The following LIMK1 variants were observed in gnomAD, a reference collection of about 807,000 sequenced individuals.
The protein encoded by LIMK1 is LIM domain kinase 1, also known as LIM motif-containing protein kinase.
In LIMK1, 21 loss-of-function variants were observed where a neutral mutation model predicts 77.6. The observed-to-expected ratio is 0.27, with a 90% CI of 0.19 to 0.39. The LOEUF (loss-of-function observed/expected upper bound fraction) is 0.39, where lower values mean the gene tolerates loss of function less well. Ranked by LOEUF, LIMK1 falls within the 10% of genes least tolerant of loss-of-function variation. LIMK1 has a pLI of 1.00. For missense variants in LIMK1, 696 were observed against 901.6 expected, an observed-to-expected ratio of 0.77 and a Z score of 2.92; for synonymous variants, 358 against 370.0, an observed-to-expected ratio of 0.97 and a Z score of 0.37.
intron 2 of LIMK1, among the ~76,000 whole-genome samples, chr7:74,088,098 C>T (rs1184615018): frequency 5.9e-5 from 9 of 152,244 alleles, no homozygotes; most frequent in South Asian, 2.1e-4. Flanking sequence ...TTAGGAATAA[C>T]GTCTAACGTT....
intron 5 of LIMK1, among the ~76,000 whole-genome samples, chr7:74,101,411 G>A (rs1554696569): frequency 6.6e-6 from 1 of 152,190 alleles, no homozygotes; most frequent in Non-Finnish European, 1.5e-5. Flanking sequence ...GGAGGGCTGA[G>A]GTGAGAGGAT....
intron 3 of LIMK1, 94 bp from the exon 4 acceptor site, chr7:74,096,986 T>C (rs1554695733): frequency 2.6e-6 from 3 of 1,140,350 alleles, no homozygotes; most frequent in Non-Finnish European, 3.8e-6. Context: ...GCAGTTGTTT[T>C]TTTGGTGACA....
At chr7:74,118,595 C>CA (rs1435494507) in intron 13 of LIMK1, among the ~76,000 whole-genome samples, 2 of 151,364 alleles carry the variant, frequency 1.3e-5, no homozygotes, top group Non-Finnish European at 2.9e-5. Context: ...ACTAAAAATA[C>CA]AAAAATTAGC....
intron 2 of LIMK1, 27 bp from the exon 3 acceptor site, chr7:74,096,595 C>T (rs373661443): frequency 6.8e-6 from 11 of 1,613,536 alleles, no homozygotes; most frequent in African/African-American, 4.0e-5. Context: ...CGGGAGTGGA[C>T]GTCTCAGCCC....
chr7:74,095,529 C>A (rs536608960), intron 2 of LIMK1, among the ~76,000 whole-genome samples: 139 of 152,266 alleles, frequency 9.1e-4, no homozygotes, highest in African/African-American at 3.2e-3. Context: ...TCCCCAGCCT[C>A]CCTAGTAGCT....
Position 74,085,743 on chromosome 7 carries a change from T to G in LIMK1, c.56-5T>G. On this transcript the variant is annotated splice_polypyrimidine_tract_variant and splice_region_variant and intron_variant, in intron 1 of 15. Transcript: ENST00000336180. The stretch of plus-strand genomic sequence containing the variant: ...ATGCTTCCCAACTCCCTTCCCACCC[T>G]GCAGGAAGCGAGTTGCCCGTGTGTG... 4 of 1,552,892 alleles carry G rather than the reference T, an allele frequency of 2.6e-6. No homozygotes were observed. The highest frequency in any genetic ancestry group is 3.5e-6 in the Non-Finnish European group (4 of 1,147,886).
intron 8 of LIMK1, among the ~76,000 whole-genome samples, 191 bp from the exon 9 acceptor site, chr7:74,107,679 CA>C (rs11321792): frequency 0.71 from 89,854 of 126,410 alleles, 31,195 homozygotes; most frequent in Middle Eastern, 0.87. Context: ...GACCCCATCT[CA>C]AAAAAAAAAA....
At chr7:74,107,323 CCCTT>C (rs1799597584) in intron 8 of LIMK1, 130 bp downstream of exon 8, 2 of 962,030 alleles carry the variant, frequency 2.1e-6, no homozygotes, top group Admixed American at 6.0e-5. Context: ...GCCCTCTCCT[CCCTT>C]GGCCTCCTGG....
chr7:74,088,795 C>G (rs1799184320), intron 2 of LIMK1, among the ~76,000 whole-genome samples: 1 of 138,238 alleles, frequency 7.2e-6, no homozygotes. Context: ...GAGCGAGACT[C>G]CATCTCAAAA....
intron 5 of LIMK1, among the ~76,000 whole-genome samples, chr7:74,099,577 A>T (rs1323212189): frequency 6.6e-6 from 1 of 151,946 alleles, no homozygotes; most frequent in Non-Finnish European, 1.5e-5. Flanking sequence ...CTAAAAATAC[A>T]AACGTAGCCA....
chr7:74,105,994 T>A lies in LIMK1; in HGVS notation c.714+14T>A, dbSNP rs1799564281. On this transcript the variant is annotated intron_variant, in intron 6 of 15. Coordinates refer to ENST00000336180, the MANE Select transcript of LIMK1 (RefSeq NM_002314.4). ...CCCCTGGACGAGGTACGGTCCTGAG[T>A]CTGTGGGGCAGGACGGGAGGTAGTG... 8.7e-6 allele frequency: 14 copies of A among 1,613,124 alleles called. No homozygotes were observed. The highest frequency in any genetic ancestry group is 1.2e-5 in the Non-Finnish European group (14 of 1,179,368).
intron 7 of LIMK1, 149 bp from the exon 8 acceptor site, chr7:74,106,861 G>A: frequency 4.0e-6 from 3 of 758,530 alleles, no homozygotes; most frequent in Non-Finnish European, 6.1e-6. Context: ...GGCAGCCTTT[G>A]GACTGTCCCA....
At chr7:74,091,889 G>T (rs779186428) in intron 2 of LIMK1, among the ~76,000 whole-genome samples, 13 of 151,402 alleles carry the variant, frequency 8.6e-5, no homozygotes, top group South Asian at 2.1e-4. Context: ...GTGCGGGAGT[G>T]CAGTCAGTGG....
At chr7:74,084,309 G>A (rs1016857164) in intron 1 of LIMK1, among the ~76,000 whole-genome samples, 42 of 151,866 alleles carry the variant, frequency 2.8e-4, no homozygotes, top group African/African-American at 9.4e-4. Context: ...AGGACTCCCA[G>A]ACACTGCCCA....
At chr7:74,099,265 C>T (rs548918526) in intron 5 of LIMK1, 27 bp downstream of exon 5, 51 of 1,596,572 alleles carry the variant, frequency 3.2e-5, no homozygotes, top group East Asian at 8.9e-5. Context: ...CCGAGGCTGC[C>T]GTCGGTGTGG....
chr7:74,099,175 T>C lies in LIMK1; in HGVS notation c.545T>C (p.Ile182Thr), dbSNP rs781960197. The change falls in exon 5 of 16, where the codon ATT becomes ACT. Residue 182 changes from isoleucine to threonine, a missense_variant. By Grantham distance (89) the Ile-to-Thr change is moderately conservative. This residue lies in a region of LIMK1 where 252 missense variants were observed against 279.4 expected (regional missense o/e 0.90). Coordinates refer to ENST00000336180, the MANE Select transcript of LIMK1 (RefSeq NM_002314.4). ...GGCAAGCGTGGACTTTCAGTCTCCA[T>C]TGACCCCCCGCACGGCCCACCGGGC... ...SHGKRGLSVSIDPPHGPPGCG... is the reference protein window; with the variant it reads ...SHGKRGLSVSTDPPHGPPGCG... The C allele has an allele frequency of 1.9e-6, 3 of 1,612,814 alleles. No homozygotes were observed. Among genetic ancestry groups the C allele is most frequent in the Non-Finnish European group, 2.5e-6 (3 of 1,180,022 alleles).
chr7:74,103,648 A>T (rs1018571299), intron 5 of LIMK1, among the ~76,000 whole-genome samples: 1 of 152,096 alleles, frequency 6.6e-6, no homozygotes, highest in Non-Finnish European at 1.5e-5. Context: ...CCCTTCCCCA[A>T]ATGATTTGAG....
intron 2 of LIMK1, among the ~76,000 whole-genome samples, chr7:74,095,607 T>C (rs1348328834): frequency 3.9e-5 from 6 of 152,146 alleles, no homozygotes; most frequent in African/African-American, 1.4e-4. Flanking sequence ...GGTCTTACTG[T>C]GTTGCCCAGG....
In LIMK1 at chr7:74,108,985, C is replaced by G; in HGVS notation, c.1233C>G (p.Phe411Leu). ...GVLYKDKRLNFITEYIKGGTL... is the reference protein window; with the variant it reads ...GVLYKDKRLNLITEYIKGGTL... ...TCTACAAGGACAAGAGGCTCAACTT[C>G]ATCACTGAGTACATCAAGGGCGGCA... The change falls in exon 10 of 16, where the codon TTC (phenylalanine) becomes TTG (leucine). Residue 411 changes from phenylalanine to leucine, a missense_variant. Phe to Leu is a conservative substitution (Grantham distance 22). Coordinates refer to ENST00000336180, the MANE Select transcript of LIMK1 (RefSeq NM_002314.4). 6.2e-7 allele frequency: 1 copy of G among 1,614,116 alleles called. No homozygotes were observed. Among genetic ancestry groups the G allele is most frequent in the Non-Finnish European group, 8.5e-7 (1 of 1,180,014 alleles).
Sources: gnomAD v4.1 joint callset for allele counts (sites outside exome capture counted in the v4.1 genomes callset) on GRCh38, gnomAD v4.1.1 for gene constraint, gnomAD v4.1.1 regional missense constraint, MANE v1.5 for transcripts, NCBI Gene and HGNC (gene_info 2026-07-23, HGNC 2026-07-21) for gene names.